THBS2: variants seen among roughly 807,000 people sequenced by gnomAD.
THBS2 encodes the protein thrombospondin 2, also known as thrombospondin-2.
In THBS2, 47 loss-of-function variants were observed where a neutral mutation model predicts 135.2. The ratio of observed to expected loss-of-function variants is 0.35; its 90% CI spans 0.28 to 0.44. The LOEUF (loss-of-function observed/expected upper bound fraction) is 0.44. THBS2 is among the 20% of genes least tolerant of loss of function. THBS2 has a pLI of 1.00. For synonymous variants in THBS2, 639 were observed against 633.8 expected (o/e 1.01, Z -0.12); for missense variants, 1,288 against 1,603.1 (o/e 0.80, Z 3.36).
rs980068383 is a variant in THBS2, at chr6:169,249,077, A to C, written c.53-104T>G. ...AACCTCGCGTGTAAGGAAATTAACG[A>C]GGCCTCCCAATATCCCGCAGCTTCT... On this transcript the variant is annotated intron_variant, in intron 2 of 21. Coordinates refer to ENST00000617924, the MANE Select transcript of THBS2 (RefSeq NM_003247.5). The C allele has an allele frequency of 3.6e-6, 4 of 1,117,004 alleles. No individual in the cohort carries two copies. The Admixed American group carries it at 1.1e-4, about 32-fold the overall frequency. The allele number at this position is 1,117,004 out of a possible 1,614,324, so 69.2% of individuals were successfully genotyped here.
At chr6:169,217,908 A>C in intron 21 of THBS2, 79 bp from the exon 22 acceptor site, 1 of 1,338,710 alleles carries the variant, frequency 7.5e-7, no homozygotes, top group Non-Finnish European at 1.0e-6. Flanking sequence ...TTTACCTAGA[A>C]CCAGAAATAT....
Position 169,217,066 on chromosome 6 carries a change from C to CTT in THBS2, c.*754_*755dup, listed in dbSNP as rs1779197713. On this transcript the variant is annotated 3_prime_UTR_variant, in exon 22 of 22. Transcript: ENST00000617924. ...CGCACTTTGCTCTGCTAACCTTTTA[C>CTT]TTAAATGAGGTTTTGCCAAATCCAC... 6.6e-6 allele frequency: 1 copy of CTT among 152,260 alleles called. No individual in the cohort carries two copies. Among genetic ancestry groups the CTT allele is most frequent in the Non-Finnish European group, 1.5e-5 (1 of 68,054 alleles). The allele number at this position is 152,260 out of a possible 1,614,324, so 9.4% of individuals were successfully genotyped here.
At chr6:169,244,869 C>A (rs913523193) in intron 4 of THBS2, among the ~76,000 whole-genome samples, 1 of 152,094 alleles carries the variant, frequency 6.6e-6, no homozygotes, top group East Asian at 1.9e-4. Context: ...CTTAGAACAC[C>A]CTTCTCCCTG....
chr6:169,239,810 C>T (rs1780228704), intron 6 of THBS2, 115 bp from the exon 7 acceptor site: 1 of 760,372 alleles, frequency 1.3e-6, no homozygotes, highest in Admixed American at 2.3e-5. Flanking sequence ...ATCCTACGGA[C>T]CATACATTAC....
chr6:169,218,828 GAGATGGAT>G (rs1348598639), intron 21 of THBS2, among the ~76,000 whole-genome samples: 15 of 128,518 alleles, frequency 1.2e-4, no homozygotes, highest in African/African-American at 3.8e-4. Flanking sequence ...GTGGGTGGCT[GAGATGGAT>G]GGATGGATGG....
Position 169,220,254 on chromosome 6 carries a change from A to G in THBS2, c.3455T>C (p.Leu1152Pro), listed in dbSNP as rs964717840. The change falls in exon 21 of 22, where the codon CTA becomes CCA. Residue 1152 changes from leucine (L) to proline (P), a missense_variant. By Grantham distance (98) the Leu-to-Pro change is moderately conservative (BLOSUM62 -3). Coordinates refer to ENST00000617924, the MANE Select transcript of THBS2 (RefSeq NM_003247.5). Reference sequence around the variant, plus strand: ...GACCATTTCTTGAGAGAAGACAAATAGACCCAGCCGCCCGCCAGCGTAGGT... The same window carrying G: ...GACCATTTCTTGAGAGAAGACAAATGGACCCAGCCGCCCGCCAGCGTAGGT... Reference protein sequence around the residue: ...DQTYAGGRLGLFVFSQEMVYF... With the variant: ...DQTYAGGRLGPFVFSQEMVYF... 1 of 1,613,868 alleles carries G rather than the reference A, an allele frequency of 6.2e-7. No homozygotes were observed. Among genetic ancestry groups the G allele is most frequent in the African/African-American group, 1.3e-5 (1 of 74,944 alleles).
chr6:169,226,438 A>G, intron 15 of THBS2, 140 bp from the exon 16 acceptor site: 2 of 572,674 alleles, frequency 3.5e-6, no homozygotes, highest in East Asian at 2.8e-5. Context: ...GACGCCTAAG[A>G]ATATAGTAAA....
intron 7 of THBS2, 148 bp downstream of exon 7, chr6:169,239,451 T>A: frequency 1.5e-6 from 1 of 681,792 alleles, no homozygotes; most frequent in Non-Finnish European, 2.5e-6. Flanking sequence ...GGATGACCAG[T>A]GGCCTGGGGT....
Position 169,221,377 on chromosome 6 carries a change from C to T in THBS2, c.3371+53G>A, listed in dbSNP as rs115008606. ...TTTGTCTATTAATGTTCAAATGTGC[C>T]GTCCGATGGGAAGCCCCTTGGAAGA... On this transcript the variant is annotated intron_variant, in intron 20 of 21. Coordinates refer to ENST00000617924, the MANE Select transcript of THBS2 (RefSeq NM_003247.5). 4,090 of 1,515,956 alleles carry T rather than the reference C, an allele frequency of 2.7e-3. 14 individuals carry two copies. The highest frequency in any genetic ancestry group is 3.0e-3 in the South Asian group (267 of 88,978). 93.9% of individuals were successfully genotyped at this position (1,515,956 alleles called of 1,614,324 possible).
At chr6:169,218,087 AATGGGTGGGTGGATGG>A (rs1202241826) in intron 21 of THBS2, among the ~76,000 whole-genome samples, 1 of 95,950 alleles carries the variant, frequency 1.0e-5, no homozygotes, top group African/African-American at 3.9e-5. Context: ...GGGTGGATGA[AATGGGTGGGTGGATGG>A]ATGGGTGGAT....
intron 18 of THBS2, 141 bp from the exon 19 acceptor site, chr6:169,222,609 A>C: frequency 1.1e-6 from 1 of 911,516 alleles, no homozygotes; most frequent in Non-Finnish European, 1.7e-6. Context: ...GGTCTGACCA[A>C]TATGGTGAAA....
intron 5 of THBS2, among the ~76,000 whole-genome samples, 167 bp from the exon 6 acceptor site, chr6:169,240,759 G>A (rs187098102): frequency 6.6e-6 from 1 of 152,134 alleles, no homozygotes; most frequent in Non-Finnish European, 1.5e-5. Context: ...CCATCCTCAC[G>A]GGGCTTTCTG....
At chr6:169,219,803 G>T (rs767432847) in intron 21 of THBS2, 1 of 524,232 alleles carries the variant, frequency 1.9e-6, no homozygotes, top group Admixed American at 1.9e-5. Context: ...TATACCTGTA[G>T]CGAGATAACT....
chr6:169,238,049 T>G (rs914666531), intron 7 of THBS2, among the ~76,000 whole-genome samples: 8 of 152,160 alleles, frequency 5.3e-5, no homozygotes, highest in African/African-American at 1.9e-4. Context: ...GGGTCTACTA[T>G]TAGGGTGCTG....
chr6:169,249,032 G>A, intron 2 of THBS2, 59 bp from the exon 3 acceptor site: 1 of 1,493,532 alleles, frequency 6.7e-7, no homozygotes, highest in Non-Finnish European at 9.0e-7. Flanking sequence ...AGGTTGGCCT[G>A]ACCCAGGGTG....
intron 5 of THBS2, among the ~76,000 whole-genome samples, 190 bp from the exon 6 acceptor site, chr6:169,240,782 G>A (rs573449411): frequency 2.2e-4 from 33 of 152,244 alleles, no homozygotes; most frequent in African/African-American, 6.5e-4. Context: ...CCACAGCTTC[G>A]TCACTGCCTG....
At position 169,240,482 on chromosome 6, in the gene THBS2, C is replaced by A; in HGVS notation, c.1002G>T (p.Val334=). The change falls in exon 6 of 22, where the codon GTG becomes GTT. Residue 334 remains valine (V), a synonymous_variant. Coordinates refer to ENST00000617924, the MANE Select transcript of THBS2 (RefSeq NM_003247.5). ...AGGTACACGTGGTGCAGCTGTCCAC[C>A]ACCCACGTTTCATTTTCCGCAAAGA... is the stretch of plus-strand genomic sequence containing the variant. ...GRFFAENETW[V]VDSCTTCTCK... 6.2e-7 allele frequency: 1 copy of A among 1,613,840 alleles called. No individual in the cohort carries two copies. The highest frequency in any genetic ancestry group is 1.1e-5 in the South Asian group (1 of 91,056).
At chr6:169,250,536 A>C (rs889153309) in intron 2 of THBS2, among the ~76,000 whole-genome samples, 197 bp downstream of exon 2, 15 of 152,234 alleles carry the variant, frequency 9.9e-5, no homozygotes, top group African/African-American at 3.6e-4. Flanking sequence ...TTTTTCTCTA[A>C]CACCTGAATT....
At chr6:169,246,658 G>A (rs1052472987) in intron 3 of THBS2, among the ~76,000 whole-genome samples, 1 of 152,132 alleles carries the variant, frequency 6.6e-6, no homozygotes, top group African/African-American at 2.4e-5. Context: ...TCTGCATTTG[G>A]CAAAGAGGCT....
Sources: gnomAD v4.1 joint callset for allele counts (sites outside exome capture counted in the v4.1 genomes callset) on GRCh38, gnomAD v4.1.1 for gene constraint, MANE v1.5 for transcripts, NCBI Gene and HGNC (gene_info 2026-07-23, HGNC 2026-07-21) for gene names.